ANKRD11: variants seen among roughly 807,000 people sequenced by gnomAD.
The protein encoded by ANKRD11 is ankyrin repeat domain-containing protein 11.
In ANKRD11, 17 loss-of-function variants were observed where a neutral mutation model predicts 195.7. That is an observed-to-expected ratio of 0.09 (90% confidence interval 0.06 to 0.13). The LOEUF (loss-of-function observed/expected upper bound fraction) is 0.13, where lower values mean the gene tolerates loss of function less well. ANKRD11 is among the 10% of genes least tolerant of loss of function. The probability of loss-of-function intolerance (pLI) is 1.00; values close to 1 mark genes in which losing one functional copy is unlikely to be tolerated. For missense variants in ANKRD11, 3,735 were observed against 3,566.1 expected, an observed-to-expected ratio of 1.05 and a Z score of -1.21; for synonymous variants, 1,953 against 1,528.1, an observed-to-expected ratio of 1.28 and a Z score of -6.49.
intron 4 of ANKRD11, among the ~76,000 whole-genome samples, chr16:89,293,773 C>T (rs986279746): frequency 2.6e-5 from 4 of 151,378 alleles, no homozygotes; most frequent in South Asian, 2.1e-4. Flanking sequence ...GGAGCTGGGG[C>T]GGTGTTGGGG....
At chr16:89,369,892 T>C (rs1219191517) in intron 2 of ANKRD11, among the ~76,000 whole-genome samples, 2 of 152,162 alleles carry the variant, frequency 1.3e-5, no homozygotes, top group Admixed American at 6.5e-5. Flanking sequence ...TTACATCTCA[T>C]GTCATCTATG....
Position 89,280,561 on chromosome 16 carries a change from A to G in ANKRD11, c.5981T>C (p.Phe1994Ser), listed in dbSNP as rs765328496. 4 of 1,613,198 alleles carry G rather than the reference A, an allele frequency of 2.5e-6. No individual in the cohort carries two copies. The Admixed American group carries it at 6.7e-5, about 27-fold the overall frequency. Reference protein sequence around the residue: ...PQRFPESPKRFCPADPLHSAA... With the variant: ...PQRFPESPKRSCPADPLHSAA... Reference sequence around the variant, plus strand: ...AGAGTGGAGGGGGTCCGCGGGGCAGAAACGCTTTGGGGACTCGGGGAATCT... The same window carrying G: ...AGAGTGGAGGGGGTCCGCGGGGCAGGAACGCTTTGGGGACTCGGGGAATCT... The change falls in exon 9 of 13, where the codon TTC (phenylalanine) becomes TCC (serine). Residue 1994 changes from phenylalanine (F) to serine (S), a missense_variant. Phe to Ser is a radical substitution (Grantham distance 155). Coordinates refer to ENST00000301030, the MANE Select transcript of ANKRD11 (RefSeq NM_013275.6).
intron 2 of ANKRD11, among the ~76,000 whole-genome samples, chr16:89,344,411 C>T (rs2152006952): frequency 6.6e-6 from 1 of 152,326 alleles, no homozygotes; most frequent in East Asian, 1.9e-4. Context: ...CAACTCCAGA[C>T]CCCGTCAGGG....
intron 2 of ANKRD11, among the ~76,000 whole-genome samples, chr16:89,357,395 C>A (rs1236760721): frequency 1.3e-5 from 2 of 152,090 alleles, no homozygotes; most frequent in African/African-American, 4.8e-5. Flanking sequence ...TGTGGAGAAA[C>A]AGGAATCCTC....
chr16:89,415,264 T>C (rs1475870556), intron 2 of ANKRD11, among the ~76,000 whole-genome samples: 27 of 36,050 alleles, frequency 7.5e-4, no homozygotes, highest in African/African-American at 2.2e-3. Flanking sequence ...AGCTATTCTT[T>C]TTTTTTTTTT....
At chr16:89,379,382 A>G (rs973582556) in intron 2 of ANKRD11, among the ~76,000 whole-genome samples, 1 of 152,244 alleles carries the variant, frequency 6.6e-6, no homozygotes, top group Admixed American at 6.5e-5. Flanking sequence ...CTTTCATTAT[A>G]TGTCGAAAGC....
intron 2 of ANKRD11, among the ~76,000 whole-genome samples, chr16:89,408,785 A>G (rs1296759336): frequency 6.6e-6 from 1 of 152,108 alleles, no homozygotes; most frequent in Non-Finnish European, 1.5e-5. Flanking sequence ...CTTCCTAAAC[A>G]TCTTTTGAGG....
intron 2 of ANKRD11, among the ~76,000 whole-genome samples, chr16:89,352,090 C>T (rs1002140371): frequency 1.3e-5 from 2 of 151,672 alleles, no homozygotes; most frequent in African/African-American, 4.9e-5. Flanking sequence ...GGGGTTTCAA[C>T]ATGTTGGTCA....
chr16:89,372,359 GGA>G (rs1471051379), intron 2 of ANKRD11, among the ~76,000 whole-genome samples: 1 of 152,174 alleles, frequency 6.6e-6, no homozygotes. Flanking sequence ...CCGCCGGTGT[GGA>G]GAGCCCGAGT....
chr16:89,360,173 CTGAG>C (rs755307394), intron 2 of ANKRD11, among the ~76,000 whole-genome samples: 1 of 152,160 alleles, frequency 6.6e-6, no homozygotes, highest in Admixed American at 6.5e-5. Context: ...TTTTCTGTTC[CTGAG>C]TTAGTTTGCT....
At chr16:89,444,458 C>CG (rs1054656166) in intron 1 of ANKRD11, among the ~76,000 whole-genome samples, 6 of 134,786 alleles carry the variant, frequency 4.5e-5, no homozygotes, top group African/African-American at 1.4e-4. Context: ...ACGGGGCGGT[C>CG]GGGGGGGTGG....
chr16:89,305,906 C>T (rs1181509206), intron 3 of ANKRD11, among the ~76,000 whole-genome samples: 1 of 17,584 alleles, frequency 5.7e-5, no homozygotes. Flanking sequence ...ACGTGCCACC[C>T]ACCTCCCACT....
At chr16:89,273,871 C>A (rs559059165) in intron 11 of ANKRD11, among the ~76,000 whole-genome samples, 5 of 152,120 alleles carry the variant, frequency 3.3e-5, no homozygotes, top group African/African-American at 1.2e-4. Context: ...GTGCCCAGGG[C>A]TGGGGTGGCG....
chr16:89,352,170 G>A (rs2039249786), intron 2 of ANKRD11, among the ~76,000 whole-genome samples: 1 of 152,112 alleles, frequency 6.6e-6, no homozygotes. Context: ...GATCACAGGC[G>A]TGAGCCATTG....
chr16:89,424,376 G>A (rs990627484), intron 1 of ANKRD11, among the ~76,000 whole-genome samples: 2 of 151,942 alleles, frequency 1.3e-5, no homozygotes, highest in Admixed American at 6.6e-5. Context: ...AGGAGACGGA[G>A]GTTGCAGCAA....
chr16:89,303,879 C>T (rs927645114), intron 4 of ANKRD11, among the ~76,000 whole-genome samples: 8 of 152,226 alleles, frequency 5.3e-5, no homozygotes, highest in Non-Finnish European at 4.4e-5. Flanking sequence ...ACGAGCTCTT[C>T]TCACCTGGAC....
At chr16:89,489,969 G>A (rs971808998) in intron 1 of ANKRD11, among the ~76,000 whole-genome samples, 2 of 68,474 alleles carry the variant, frequency 2.9e-5, no homozygotes, top group African/African-American at 5.4e-5. Flanking sequence ...GGCCCCCCCC[G>A]GAGCCCCCTA....
At position 89,273,912 on chromosome 16, in the gene ANKRD11, G is replaced by A. The variant is rs118048932; in HGVS notation, c.7713+902C>T. 7.7e-3 allele frequency among the ~76,000 whole-genome samples: 1,174 copies of A among 152,268 alleles called. 6 individuals carry two copies. The highest frequency in any genetic ancestry group is 0.012 in the Non-Finnish European group (846 of 68,014). ...GGGGGCACATATTACGAGGGCTCTCGGTGCGAGATCTGGACACCAAGGCAG... is the reference window on the plus strand; with the variant it reads ...GGGGGCACATATTACGAGGGCTCTCAGTGCGAGATCTGGACACCAAGGCAG... On this transcript the variant is annotated intron_variant, in intron 11 of 12. Coordinates refer to ENST00000301030, the MANE Select transcript of ANKRD11 (RefSeq NM_013275.6).
At chr16:89,412,600 T>A (rs906032391) in intron 2 of ANKRD11, 1 of 152,110 alleles carries the variant, frequency 6.6e-6, no homozygotes. Context: ...AAAGGTACAT[T>A]GGTGTTTTTG....
Sources: allele counts gnomAD v4.1 joint callset (sites outside exome capture counted in the v4.1 genomes callset), GRCh38; gene constraint gnomAD v4.1.1; transcripts MANE v1.5; gene names NCBI Gene and HGNC (gene_info 2026-07-23, HGNC 2026-07-21).